CEP112: variants seen among roughly 807,000 people sequenced by gnomAD.
CEP112 encodes the protein centrosomal protein 112.
Under a neutral mutation model 153.0 loss-of-function variants are expected in CEP112, and 127 were observed. That is an observed-to-expected ratio of 0.83 (90% CI 0.72 to 0.96). CEP112 has a LOEUF of 0.96. CEP112 is among the 40% of genes least tolerant of loss of function. The pLI is 0.00. For synonymous variants in CEP112, 358 were observed against 374.4 expected (o/e 0.96, Z 0.51); for missense variants, 1,089 against 1,101.2 (o/e 0.99, Z 0.16).
chr17:65,945,318 C>G (rs1467139878), intron 18 of CEP112, among the ~76,000 whole-genome samples: 1 of 152,130 alleles, frequency 6.6e-6, no homozygotes, highest in Non-Finnish European at 1.5e-5. Context: ...AGTTTTTTTA[C>G]TATTATAAAT....
intron 24 of CEP112, chr17:65,688,877 C>T (rs2047951281): frequency 3.2e-6 from 1 of 315,752 alleles, no homozygotes; most frequent in East Asian, 7.0e-5. Flanking sequence ...AAGTAATTCC[C>T]CTGCCTCAGC....
intron 23 of CEP112, among the ~76,000 whole-genome samples, chr17:65,737,754 A>T (rs1448057168): frequency 1.3e-5 from 2 of 152,226 alleles, no homozygotes; most frequent in Admixed American, 6.5e-5. Flanking sequence ...TATGCTTCAG[A>T]ACCATTTGCT....
In CEP112 at chr17:65,770,818, C is replaced by T. The variant is rs1335892955; in HGVS notation, c.2395-20094G>A. Among the ~76,000 whole-genome samples the T allele has an allele frequency of 2.0e-5, 3 of 149,848 alleles. No individual in the cohort carries two copies. The East Asian group carries it at 5.9e-4, about 29-fold the overall frequency. On this transcript the variant is annotated intron_variant, in intron 21 of 26. Coordinates refer to ENST00000535342, the MANE Select transcript of CEP112 (RefSeq NM_001199165.4). ...CTAGATCAACAACTATAAAAACCAA[C>T]AGTGAAGAGGTATAGCTAATAAGCT...
intron 18 of CEP112, among the ~76,000 whole-genome samples, chr17:65,955,557 C>T (rs992877445): frequency 3.7e-4 from 56 of 152,064 alleles, no homozygotes; most frequent in African/African-American, 1.3e-3. Flanking sequence ...TACAGAATGG[C>T]AGAATCGATA....
intron 21 of CEP112, among the ~76,000 whole-genome samples, chr17:65,764,634 C>T (rs1240764461): frequency 2.0e-5 from 3 of 151,886 alleles, no homozygotes; most frequent in African/African-American, 7.3e-5. Context: ...TCTTCCATCC[C>T]TTCACTTTCA....
chr17:66,130,795 A>AAC (rs1219411215), intron 5 of CEP112, among the ~76,000 whole-genome samples: 13 of 149,058 alleles, frequency 8.7e-5, no homozygotes, highest in African/African-American at 3.0e-4. Flanking sequence ...AAAAAAAAAC[A>AAC]CACACAATTA....
At chr17:66,108,675 T>C (rs1433234183) in intron 6 of CEP112, among the ~76,000 whole-genome samples, 1 of 152,100 alleles carries the variant, frequency 6.6e-6, no homozygotes, top group Non-Finnish European at 1.5e-5. Context: ...GGAATGCAAA[T>C]TAGTACAGCC....
chr17:65,843,492 T>C (rs1001925403), intron 21 of CEP112, among the ~76,000 whole-genome samples: 1 of 152,150 alleles, frequency 6.6e-6, no homozygotes, highest in African/African-American at 2.4e-5. Flanking sequence ...AAAAGTGAGG[T>C]TGGAAATCCA....
Position 65,836,635 on chromosome 17 carries a change from A to G in CEP112, c.2394+15169T>C, listed in dbSNP as rs748153053. Among the ~76,000 whole-genome samples the G allele has an allele frequency of 5.3e-4, 80 of 152,344 alleles. 1 individual carries two copies. Among genetic ancestry groups the G allele is most frequent in the Middle Eastern group, 3.4e-3 (1 of 294 alleles). On this transcript the variant is annotated intron_variant, in intron 21 of 26. Coordinates refer to ENST00000535342, the MANE Select transcript of CEP112 (RefSeq NM_001199165.4). ...TATAGCACCCAAATATAAAAAAACA[A>G]AAATTAACAGACCAAAAGGGAGAGA...
At chr17:65,986,240 T>G (rs2063402715) in intron 17 of CEP112, among the ~76,000 whole-genome samples, 1 of 152,026 alleles carries the variant, frequency 6.6e-6, no homozygotes, top group Non-Finnish European at 1.5e-5. Context: ...TGAAAGAACC[T>G]GGGCAGAATC....
At chr17:65,837,125 A>G (rs1177441013) in intron 21 of CEP112, among the ~76,000 whole-genome samples, 1 of 152,138 alleles carries the variant, frequency 6.6e-6, no homozygotes, top group Non-Finnish European at 1.5e-5. Flanking sequence ...CCCAGGCTGG[A>G]GTGCAGTGGC....
chr17:65,829,091 AAT>A, intron 21 of CEP112, among the ~76,000 whole-genome samples: 1 of 152,226 alleles, frequency 6.6e-6, no homozygotes, highest in Non-Finnish European at 1.5e-5. Context: ...TACGCTTGGT[AAT>A]ATTTAAACTA....
intron 20 of CEP112, among the ~76,000 whole-genome samples, chr17:65,878,355 C>T (rs1204277201): frequency 2.0e-5 from 3 of 152,028 alleles, no homozygotes; most frequent in African/African-American, 7.3e-5. Context: ...AATTATACCC[C>T]CAATGAAGCT....
At chr17:65,750,998 G>A in intron 21 of CEP112, 1 of 332,034 alleles carries the variant, frequency 3.0e-6, no homozygotes, top group African/African-American at 2.1e-5. Flanking sequence ...AATAGACACA[G>A]CAAAAGTATG....
chr17:65,861,926 C>T (rs1376098579), intron 20 of CEP112, among the ~76,000 whole-genome samples: 3 of 152,162 alleles, frequency 2.0e-5, no homozygotes, highest in African/African-American at 7.2e-5. Context: ...ATGTACACAG[C>T]AGTATTTGTA....
chr17:65,787,351 T>C (rs1042627039), intron 21 of CEP112, among the ~76,000 whole-genome samples: 1 of 152,112 alleles, frequency 6.6e-6, no homozygotes, highest in Admixed American at 6.6e-5. Flanking sequence ...GGCATGGTGG[T>C]GTGCAACTGT....
chr17:65,640,133 C>T (rs1303604177), intron 25 of CEP112, among the ~76,000 whole-genome samples: 4 of 129,948 alleles, frequency 3.1e-5, no homozygotes, highest in Non-Finnish European at 4.6e-5. Flanking sequence ...CCACTGCACC[C>T]GACCATATAT....
At chr17:65,983,666 A>G (rs1265352185) in intron 17 of CEP112, among the ~76,000 whole-genome samples, 2 of 152,218 alleles carry the variant, frequency 1.3e-5, no homozygotes, top group Non-Finnish European at 2.9e-5. Flanking sequence ...AACCATGAGT[A>G]AAAGCTTCCT....
chr17:65,888,677 C>G (rs1171523836), intron 20 of CEP112, among the ~76,000 whole-genome samples: 1 of 152,140 alleles, frequency 6.6e-6, no homozygotes, highest in African/African-American at 2.4e-5. Context: ...AAGCAAGAGA[C>G]AGAATGTTAC....
Sources: gnomAD v4.1 joint callset for allele counts (sites outside exome capture counted in the v4.1 genomes callset) on GRCh38, gnomAD v4.1.1 for gene constraint, MANE v1.5 for transcripts, NCBI Gene and HGNC (gene_info 2026-07-23, HGNC 2026-07-21) for gene names.